Variants in CC2D1B observed in about 807,000 individuals in gnomAD.
CC2D1B encodes coiled-coil and C2 domain containing 1B, also known as coiled-coil and C2 domain-containing protein 1B.
A neutral mutation model predicts 110.8 loss-of-function variants in CC2D1B; 92 were observed. That is an observed-to-expected ratio of 0.83 (90% CI 0.70 to 0.99). The LOEUF is 0.99. CC2D1B is among the 50% of genes least tolerant of loss of function. CC2D1B has a pLI of 0.00. For missense variants in CC2D1B, 1,136 were observed against 1,089.0 expected, an observed-to-expected ratio of 1.04 and a Z score of -0.61; for synonymous variants, 406 against 429.2, an observed-to-expected ratio of 0.95 and a Z score of 0.67.
chr1:52,359,914 A>G (rs1393256308), intron 7 of CC2D1B, 31 bp from the exon 8 acceptor site: 1 of 1,597,432 alleles, frequency 6.3e-7, no homozygotes, highest in East Asian at 2.2e-5. Context: ...CCCAGAGAGC[A>G]CATGAGGGTC....
At chr1:52,365,367 A>G (rs1198422377) in intron 1 of CC2D1B, among the ~76,000 whole-genome samples, 1 of 152,246 alleles carries the variant, frequency 6.6e-6, no homozygotes, top group East Asian at 1.9e-4. Context: ...CCTGGGAGAA[A>G]AGGCTCCTCC....
At chr1:52,363,146 G>C (rs1237006622) in intron 2 of CC2D1B, among the ~76,000 whole-genome samples, 1 of 152,134 alleles carries the variant, frequency 6.6e-6, no homozygotes, top group Non-Finnish European at 1.5e-5. Flanking sequence ...TGTAATCCCA[G>C]CACTTTGGGA....
At position 52,353,050 on chromosome 1, in the gene CC2D1B, G is replaced by A. The variant is rs879149924; in HGVS notation, c.*175C>T. 5.3e-6 allele frequency: 3 copies of A among 568,160 alleles called. No homozygotes were observed. The highest frequency in any genetic ancestry group is 5.9e-6 in the Non-Finnish European group (2 of 339,424). The allele number at this position is 568,160 out of a possible 1,614,324, so 35.2% of individuals were successfully genotyped here. A position where few individuals can be genotyped will look rare whatever the true frequency, so the allele number is the denominator to read the frequency against. On this transcript the variant is annotated 3_prime_UTR_variant, in exon 25 of 25. Coordinates refer to ENST00000284376, the MANE Select transcript of CC2D1B (RefSeq NM_001330585.2). ...CAGCCTGTTTCTGTAGAGCCCCAGA[G>A]GGGCCAACAACAGGAAAGACCAGAG...
chr1:52,356,086 G>T, intron 18 of CC2D1B, 100 bp downstream of exon 18: 3 of 1,128,526 alleles, frequency 2.7e-6, no homozygotes, highest in African/African-American at 3.1e-5. Context: ...AGCGGGGCCA[G>T]GCTTGGGAAG....
rs1646705268 is a variant in CC2D1B at position 52,358,533 on chromosome 1, T to C, written c.1331-72A>G. The C allele has an allele frequency of 6.2e-6, 10 of 1,606,776 alleles. 1 individual carries two copies. In the South Asian group the frequency reaches 7.7e-5, roughly 12 times the overall value. On this transcript the variant is annotated intron_variant, in intron 12 of 24. Coordinates refer to ENST00000284376, the MANE Select transcript of CC2D1B (RefSeq NM_001330585.2). ...AAGCACAAAGCTACCCGGGGCCCTG[T>C]CTGGGGCATGGCTCTGCTGGGGCAT...
chr1:52,361,507 A>G lies in CC2D1B; in HGVS notation c.318+6T>C. The G allele has an allele frequency of 6.2e-7, 1 of 1,613,800 alleles. No individual in the cohort carries two copies. The highest frequency in any genetic ancestry group is 8.5e-7 in the Non-Finnish European group (1 of 1,179,920). The stretch of plus-strand genomic sequence containing the variant: ...GAGCCCTGGGATACCAGCCTGGCAG[A>G]CACACCAGCAGCTCTGCATCTTCCT... On this transcript the variant is annotated splice_donor_region_variant and intron_variant, in intron 4 of 24. Coordinates refer to ENST00000284376, the MANE Select transcript of CC2D1B (RefSeq NM_001330585.2).
Position 52,360,955 on chromosome 1 carries a change from G to A in CC2D1B, c.477+19C>T, listed in dbSNP as rs760048289. 1 of 1,613,290 alleles carries A rather than the reference G, an allele frequency of 6.2e-7. No homozygotes were observed. The highest frequency in any genetic ancestry group is 2.2e-5 in the East Asian group (1 of 44,872). Reference sequence around the variant, plus strand: ...GCACAGGAGCATCAGAGGCACAGGGGCCCTCCTCCAGAACCCACCTGAGCT... The same window carrying A: ...GCACAGGAGCATCAGAGGCACAGGGACCCTCCTCCAGAACCCACCTGAGCT... On this transcript the variant is annotated intron_variant, in intron 5 of 24. Transcript: ENST00000284376.
In CC2D1B at chr1:52,358,743, T is replaced by C. The variant is rs771775173; in HGVS notation, c.1273A>G (p.Ile425Val). 2 of 1,611,312 alleles carry C rather than the reference T, an allele frequency of 1.2e-6. No homozygotes were observed. Among genetic ancestry groups the C allele is most frequent in the Non-Finnish European group, 1.7e-6 (2 of 1,179,282 alleles). ...ERIAKQYQDA[I>V]RAHRAGRKVN... ...TTCCGTCCTGCTCGGTGTGCTCGAATAGCATCTTGATATTGCTGCAAGGGA... is the reference window on the plus strand; with the variant it reads ...TTCCGTCCTGCTCGGTGTGCTCGAACAGCATCTTGATATTGCTGCAAGGGA... Residue 425 changes from isoleucine (I) to valine (V), a missense_variant, in exon 12 of 25, where the codon ATT becomes GTT. Ile to Val is a conservative substitution (Grantham distance 29). Transcript: ENST00000284376.
intron 12 of CC2D1B, 92 bp from the exon 13 acceptor site, chr1:52,358,553 G>C: frequency 6.3e-7 from 1 of 1,590,240 alleles, no homozygotes; most frequent in Non-Finnish European, 8.6e-7. Flanking sequence ...GGCTCTGCTG[G>C]GGCATGGCTG....
chr1:52,355,865 G>A (rs1306240500), intron 18 of CC2D1B, 21 bp from the exon 19 acceptor site: 2 of 1,612,994 alleles, frequency 1.2e-6, no homozygotes, highest in East Asian at 4.5e-5. Context: ...GCGGGAAGGA[G>A]AAAATGCTCA....
At chr1:52,356,070 G>T in intron 18 of CC2D1B, 116 bp downstream of exon 18, 1 of 996,788 alleles carries the variant, frequency 1.0e-6, no homozygotes, top group African/African-American at 1.6e-5. Flanking sequence ...CAGCCCCAGT[G>T]CCCACAGCGG....
intron 15 of CC2D1B, among the ~76,000 whole-genome samples, 165 bp downstream of exon 15, chr1:52,357,361 G>C (rs559397776): frequency 2.0e-5 from 3 of 152,306 alleles, no homozygotes; most frequent in Non-Finnish European, 2.9e-5. Context: ...TTTCCTTTGG[G>C]GCCGTGAGGT....
intron 23 of CC2D1B, chr1:52,353,966 T>C: frequency 3.4e-6 from 1 of 290,618 alleles, no homozygotes; most frequent in Non-Finnish European, 6.5e-6. Context: ...ACCCAAACCC[T>C]CACTTCACAG....
rs181046644 is a variant in CC2D1B, at chr1:52,354,075, T to G, written c.2431-428A>C. Among the ~76,000 whole-genome samples the G allele has an allele frequency of 1.1e-3, 165 of 152,276 alleles. 1 individual carries two copies. The highest frequency in any genetic ancestry group is 8.9e-3 in the South Asian group (43 of 4,826). ...CCATTCACCACGCTACTCCCTCTTT[T>G]GGGCAGAAGATGAGGCAGTCAATTA... is the stretch of plus-strand genomic sequence containing the variant. On this transcript the variant is annotated intron_variant, in intron 23 of 24. Transcript: ENST00000284376.
In CC2D1B at chr1:52,362,687, T is replaced by C; in HGVS notation, c.129A>G (p.Glu43=). The C allele has an allele frequency of 6.2e-7, 1 of 1,614,136 alleles. No homozygotes were observed. Among genetic ancestry groups the C allele is most frequent in the Non-Finnish European group, 8.5e-7 (1 of 1,180,014 alleles). The change falls in exon 3 of 25, where the codon GAA becomes GAG. Residue 43 remains glutamate (E), a synonymous_variant. Transcript: ENST00000284376. ...EDMLLGMDEA[E]DDEDLEAELL... ...GCTCAGCCTCCAGGTCCTCATCATCTTCAGCCTCATCCATGCCCAGCAGCA... is the reference window on the plus strand; with the variant it reads ...GCTCAGCCTCCAGGTCCTCATCATCCTCAGCCTCATCCATGCCCAGCAGCA...
intron 20 of CC2D1B, 21 bp from the exon 21 acceptor site, chr1:52,355,470 A>C (rs1183522622): frequency 6.2e-7 from 1 of 1,614,110 alleles, no homozygotes; most frequent in South Asian, 1.1e-5. Context: ...AGGAGGGAGA[A>C]GTCAGGACAG....
At chr1:52,355,749 G>A in intron 19 of CC2D1B, 22 bp downstream of exon 19, 6 of 1,613,872 alleles carry the variant, frequency 3.7e-6, no homozygotes, top group Non-Finnish European at 5.1e-6. Context: ...GCCTCCTGGA[G>A]TAGGGGCGGC....
intron 21 of CC2D1B, 61 bp from the exon 22 acceptor site, chr1:52,355,000 A>G: frequency 7.2e-7 from 1 of 1,384,582 alleles, no homozygotes; most frequent in Non-Finnish European, 1.0e-6. Context: ...AGGAAGTGGA[A>G]ATGGAGGCCC....
rs755117352 is a variant in CC2D1B at position 52,358,713 on chromosome 1, T to C, written c.1303A>G (p.Asn435Asp). The change falls in exon 12 of 25, where the codon AAC becomes GAC. Residue 435 changes from asparagine (N) to aspartate (D), a missense_variant. Transcript: ENST00000284376. ...IRAHRAGRKV[N>D]FAELPVPPGF... is the part of the protein sequence containing the mutation. ...GGAGGAACAGGCAATTCAGCAAAGT[T>C]GACTTTCCGTCCTGCTCGGTGTGCT... is the stretch of plus-strand genomic sequence containing the variant. 6.2e-6 allele frequency: 10 copies of C among 1,613,488 alleles called. No homozygotes were observed. In the East Asian group the frequency reaches 1.1e-4, roughly 18 times the overall value.
Sources: allele counts gnomAD v4.1 joint callset (sites outside exome capture counted in the v4.1 genomes callset), GRCh38; gene constraint gnomAD v4.1.1; transcripts MANE v1.5; gene names NCBI Gene and HGNC (gene_info 2026-07-23, HGNC 2026-07-21).